STXBP6: variants seen among roughly 807,000 people sequenced by gnomAD.
STXBP6 encodes syntaxin binding protein 6, also known as syntaxin-binding protein 6.
A neutral mutation model predicts 26.9 loss-of-function variants in STXBP6; 21 were observed. The observed-to-expected ratio is 0.78, with a 90% CI of 0.55 to 1.12. STXBP6 has a LOEUF of 1.12. Ranked by LOEUF, STXBP6 falls within the 50% of genes most tolerant of loss-of-function variation. STXBP6 has a pLI of 0.00. For synonymous variants in STXBP6, 97 were observed against 92.6 expected, an observed-to-expected ratio of 1.05 and a Z score of -0.27; for missense variants, 232 against 257.9, an observed-to-expected ratio of 0.90 and a Z score of 0.69.
chr14:24,812,674 T>TA lies in STXBP6; in HGVS notation c.*34_*35insT. On this transcript the variant is annotated 3_prime_UTR_variant, in exon 6 of 6. Coordinates refer to ENST00000323944, the MANE Select transcript of STXBP6 (RefSeq NM_001394410.1). Reference sequence around the variant, plus strand: ...AAAACTGCTGAACAAACTCTTCAGTTTCTCTTAAGAAGAGTCACCAGGATA... The same window carrying TA: ...AAAACTGCTGAACAAACTCTTCAGTTATCTCTTAAGAAGAGTCACCAGGATA... The TA allele has an allele frequency of 6.2e-7, 1 of 1,608,662 alleles. No individual in the cohort carries two copies. Among genetic ancestry groups the TA allele is most frequent in the Non-Finnish European group, 8.5e-7 (1 of 1,175,156 alleles).
intron 4 of STXBP6, among the ~76,000 whole-genome samples, chr14:24,842,108 A>C (rs1359943572): frequency 6.6e-6 from 1 of 152,098 alleles, no homozygotes; most frequent in African/African-American, 2.4e-5. Context: ...AACATGTGGG[A>C]TATGGCAGAG....
At chr14:24,981,468 C>T (rs2074190230) in intron 1 of STXBP6, among the ~76,000 whole-genome samples, 1 of 152,092 alleles carries the variant, frequency 6.6e-6, no homozygotes, top group Non-Finnish European at 1.5e-5. Flanking sequence ...TGGGGTTTCA[C>T]CATGTTGGCC....
At position 24,812,590 on chromosome 14, in the gene STXBP6, C is replaced by T. The variant is rs2067853224; in HGVS notation, c.*119G>A. Reference sequence around the variant, plus strand: ...ACATCTGAAAAGAAAAAACAAAAACCACTCTAAGTGTCCAAATATTGGAAA... The same window carrying T: ...ACATCTGAAAAGAAAAAACAAAAACTACTCTAAGTGTCCAAATATTGGAAA... On this transcript the variant is annotated 3_prime_UTR_variant, in exon 6 of 6. Transcript: ENST00000323944. 1 of 949,428 alleles carries T rather than the reference C, an allele frequency of 1.1e-6. No homozygotes were observed. Among genetic ancestry groups the T allele is most frequent in the Admixed American group, 2.2e-5 (1 of 44,654 alleles). 58.8% of individuals were successfully genotyped at this position (949,428 alleles called of 1,614,324 possible).
At chr14:25,036,353 G>A (rs2075552334) in intron 1 of STXBP6, among the ~76,000 whole-genome samples, 1 of 152,064 alleles carries the variant, frequency 6.6e-6, no homozygotes, top group Non-Finnish European at 1.5e-5. Context: ...GGTGAGAACA[G>A]GTCTCTGGGA....
Position 24,857,135 on chromosome 14 carries a change from C to T in STXBP6, c.177G>A (p.Gln59=). The T allele has an allele frequency of 6.2e-7, 1 of 1,612,934 alleles. No homozygotes were observed. Among genetic ancestry groups the T allele is most frequent in the Middle Eastern group, 1.7e-4 (1 of 6,044 alleles). ...CLSVTNKKPT[Q]ASITKVKQFE... is the part of the protein sequence containing the mutation. ...ACTGTTTGACCTTTGTGATGGACGC[C>T]TGTGTGGGTTTCTTGTTTGTCACTG... The change falls in exon 3 of 6, where the codon CAG becomes CAA. Residue 59 remains glutamine (Q), a synonymous_variant. Coordinates refer to ENST00000323944, the MANE Select transcript of STXBP6 (RefSeq NM_001394410.1).
intron 1 of STXBP6, among the ~76,000 whole-genome samples, chr14:24,981,232 T>C (rs1202297468): frequency 6.6e-6 from 1 of 152,188 alleles, no homozygotes; most frequent in African/African-American, 2.4e-5. Context: ...TCTTCCAAAG[T>C]TTGCTTCAAA....
In STXBP6 at chr14:24,812,187, T is replaced by C. The variant is rs1156724300; in HGVS notation, c.*522A>G. On this transcript the variant is annotated 3_prime_UTR_variant, in exon 6 of 6. Coordinates refer to ENST00000323944, the MANE Select transcript of STXBP6 (RefSeq NM_001394410.1). Reference sequence around the variant, plus strand: ...GTTTTTCCCAATAAATTCAATTGTTTTCCACAATGTAGAATTTTAATCTTC... The same window carrying C: ...GTTTTTCCCAATAAATTCAATTGTTCTCCACAATGTAGAATTTTAATCTTC... The C allele has an allele frequency of 6.6e-6, 1 of 152,260 alleles. No individual in the cohort carries two copies. The highest frequency in any genetic ancestry group is 1.5e-5 in the Non-Finnish European group (1 of 68,116). The allele number at this position is 152,260 out of a possible 1,614,324, so 9.4% of individuals were successfully genotyped here.
chr14:24,893,280 T>C (rs1451294198), intron 2 of STXBP6, among the ~76,000 whole-genome samples: 3 of 152,238 alleles, frequency 2.0e-5, no homozygotes, highest in South Asian at 4.1e-4. Flanking sequence ...CCAGGACCTA[T>C]TCAAAGTATT....
rs561078415 is a variant in STXBP6, at chr14:24,997,781, T to C, written c.-32-22931A>G. ...TCTCCTAGACTTCTTCCTATGAATA[T>C]ATAATTCACACATATGGAAAATTCA... On this transcript the variant is annotated intron_variant, in intron 1 of 5. Transcript: ENST00000323944. Among the ~76,000 whole-genome samples, 4 of 152,322 alleles carry C rather than the reference T, an allele frequency of 2.6e-5. No homozygotes were observed. The South Asian group carries it at 8.3e-4, about 32-fold the overall frequency.
At chr14:24,957,312 T>C (rs1404930586) in intron 2 of STXBP6, among the ~76,000 whole-genome samples, 3 of 152,194 alleles carry the variant, frequency 2.0e-5, no homozygotes, top group Non-Finnish European at 2.9e-5. Context: ...TGAAACTCTA[T>C]TGGTTTGCCC....
At chr14:24,975,468 C>T (rs1007296018) in intron 1 of STXBP6, among the ~76,000 whole-genome samples, 1 of 152,156 alleles carries the variant, frequency 6.6e-6, no homozygotes, top group Non-Finnish European at 1.5e-5. Context: ...TGCAGTGCTC[C>T]TCTGCATCTA....
In STXBP6 at chr14:24,959,334, C is replaced by G. The variant is rs150202805; in HGVS notation, c.154+15331G>C. ...AAGCATGGTGGTTTGCAAAGACAAG[C>G]CCTGGGAAGCAAAGGGCACAAGAGG... is the stretch of plus-strand genomic sequence containing the variant. On this transcript the variant is annotated intron_variant, in intron 2 of 5. Coordinates refer to ENST00000323944, the MANE Select transcript of STXBP6 (RefSeq NM_001394410.1). 2.9e-3 allele frequency among the ~76,000 whole-genome samples: 438 copies of G among 152,146 alleles called. 5 individuals are homozygous for G. The highest frequency in any genetic ancestry group is 9.9e-3 in the African/African-American group (410 of 41,520).
intron 2 of STXBP6, among the ~76,000 whole-genome samples, chr14:24,860,949 G>A (rs554262487): frequency 1.3e-3 from 190 of 150,040 alleles, no homozygotes; most frequent in African/African-American, 4.4e-3. Context: ...ATTTGAGATA[G>A]CTGAATAACA....
In STXBP6 at chr14:24,810,093, G is replaced by A. The variant is rs1366422696; in HGVS notation, c.*2616C>T. 6.6e-6 allele frequency: 1 copy of A among 152,190 alleles called. No individual in the cohort carries two copies. Among genetic ancestry groups the A allele is most frequent in the Non-Finnish European group, 1.5e-5 (1 of 68,040 alleles). The allele number at this position is 152,190 out of a possible 1,614,324, so 9.4% of individuals were successfully genotyped here. On this transcript the variant is annotated 3_prime_UTR_variant, in exon 6 of 6. Transcript: ENST00000323944. ...CACAGGTATCTAATAATACTAGTGA[G>A]AAATACTACAGCTATATTCCAGGAA...
chr14:24,945,303 A>G (rs1219069602), intron 2 of STXBP6, among the ~76,000 whole-genome samples: 1 of 151,742 alleles, frequency 6.6e-6, no homozygotes, highest in Non-Finnish European at 1.5e-5. Context: ...AAAACACTAC[A>G]CACGGTGGCT....
chr14:24,889,524 C>T (rs1399548991), intron 2 of STXBP6, among the ~76,000 whole-genome samples: 1 of 149,608 alleles, frequency 6.7e-6, no homozygotes, highest in Admixed American at 6.7e-5. Context: ...ATGTAACAAA[C>T]CTGCACATTG....
intron 2 of STXBP6, among the ~76,000 whole-genome samples, chr14:24,959,851 G>T (rs2073470916): frequency 6.6e-6 from 1 of 152,186 alleles, no homozygotes; most frequent in African/African-American, 2.4e-5. Context: ...GGAAATGTAG[G>T]TTTCCCTTTT....
At chr14:25,039,059 T>C (rs1027204734) in intron 1 of STXBP6, among the ~76,000 whole-genome samples, 10 of 152,190 alleles carry the variant, frequency 6.6e-5, no homozygotes, top group African/African-American at 2.2e-4. Context: ...GTAATGCATA[T>C]GTTAACTAGC....
intron 1 of STXBP6, among the ~76,000 whole-genome samples, chr14:25,047,967 A>G (rs2075751053): frequency 6.6e-6 from 1 of 152,178 alleles, no homozygotes; most frequent in Admixed American, 6.5e-5. Context: ...TGATAAGGCC[A>G]CCCCAGTCAT....
Sources: gnomAD v4.1 joint callset for allele counts (sites outside exome capture counted in the v4.1 genomes callset) on GRCh38, gnomAD v4.1.1 for gene constraint, MANE v1.5 for transcripts, NCBI Gene and HGNC (gene_info 2026-07-23, HGNC 2026-07-21) for gene names.